Variants in RBM6 observed in about 807,000 individuals in gnomAD.
The protein encoded by RBM6 is RNA-binding protein 6.
Under a neutral mutation model 140.4 loss-of-function variants are expected in RBM6, and 23 were observed. The observed-to-expected ratio is 0.16, with a 90% CI of 0.12 to 0.23. RBM6 has a LOEUF of 0.23. Among genes scored for constraint, RBM6 ranks in the 10% least tolerant of loss-of-function variants. The probability of loss-of-function intolerance (pLI) is 1.00; values close to 1 mark genes in which losing one functional copy is unlikely to be tolerated. For missense variants in RBM6, 1,139 were observed against 1,386.7 expected, an observed-to-expected ratio of 0.82 and a Z score of 2.84; for synonymous variants, 439 against 475.6, an observed-to-expected ratio of 0.92 and a Z score of 1.00.
chr3:50,033,420 A>G (rs6446195), intron 6 of RBM6, among the ~76,000 whole-genome samples: 98,156 of 152,022 alleles, frequency 0.65, 32,339 homozygotes, highest in East Asian at 0.88. Context: ...AAACTACTAA[A>G]TTTATAATTA....
At chr3:49,958,451 C>G (rs1369934514) in intron 1 of RBM6, among the ~76,000 whole-genome samples, 1 of 152,144 alleles carries the variant, frequency 6.6e-6, no homozygotes, top group East Asian at 1.9e-4. Context: ...CGGTGGGCAC[C>G]TGTAGTCCCA....
At chr3:50,076,907 T>A in intron 20 of RBM6, 101 bp from the exon 21 acceptor site, 1 of 1,201,042 alleles carries the variant, frequency 8.3e-7, no homozygotes, top group Non-Finnish European at 1.1e-6. Flanking sequence ...AATTATCCTA[T>A]ATACTGCTTC....
At chr3:49,997,834 A>T (rs1391921736) in intron 5 of RBM6, among the ~76,000 whole-genome samples, 4 of 152,244 alleles carry the variant, frequency 2.6e-5, no homozygotes, top group African/African-American at 9.6e-5. Context: ...GAAAGGAATT[A>T]ACTAACAAAG....
At chr3:50,074,202 G>A (rs558946225) in intron 19 of RBM6, among the ~76,000 whole-genome samples, 1 of 152,246 alleles carries the variant, frequency 6.6e-6, no homozygotes, top group African/African-American at 2.4e-5. Context: ...CTCCTTGCTT[G>A]TGTCCTCCTT....
chr3:49,988,700 G>A (rs1436258576), intron 5 of RBM6, among the ~76,000 whole-genome samples: 2 of 152,130 alleles, frequency 1.3e-5, no homozygotes, highest in Non-Finnish European at 2.9e-5. Flanking sequence ...TGTGCATGGT[G>A]GCTAATGCCT....
chr3:49,976,049 T>C (rs1299981937), intron 5 of RBM6, among the ~76,000 whole-genome samples: 2 of 152,188 alleles, frequency 1.3e-5, no homozygotes, highest in African/African-American at 4.8e-5. Context: ...ACTCAAGGTT[T>C]TTGACCAATA....
intron 6 of RBM6, among the ~76,000 whole-genome samples, chr3:50,004,312 C>A (rs1196375013): frequency 3.4e-5 from 5 of 146,976 alleles, no homozygotes; most frequent in African/African-American, 1.3e-4. Flanking sequence ...CCCCTCCCCC[C>A]CCTCCCCTCT....
At chr3:49,993,063 G>A (rs140393390) in intron 5 of RBM6, among the ~76,000 whole-genome samples, 1 of 152,276 alleles carries the variant, frequency 6.6e-6, no homozygotes, top group African/African-American at 2.4e-5. Flanking sequence ...ATCTTGAGGT[G>A]ATCTATGACC....
At chr3:50,003,308 T>TAAAAAAA (rs61492386) in intron 6 of RBM6, among the ~76,000 whole-genome samples, 1 of 112,786 alleles carries the variant, frequency 8.9e-6, no homozygotes. Flanking sequence ...TGTCTAAATT[T>TAAAAAAA]AAAAAAAAAA....
At chr3:50,060,753 CAAAAAAAAA>C (rs35467618) in intron 11 of RBM6, 194 bp from the exon 12 acceptor site, 28 of 124,870 alleles carry the variant, frequency 2.2e-4, no homozygotes, top group South Asian at 4.3e-4. Context: ...GACTCCGTCT[CAAAAAAAAA>C]AAAAAAAAAA....
chr3:49,999,609 A>T, intron 6 of RBM6, 96 bp downstream of exon 6: 1 of 1,069,904 alleles, frequency 9.3e-7, no homozygotes, highest in Non-Finnish European at 1.5e-6. Context: ...GAAAGGTACA[A>T]GAAGTCTATC....
Position 49,967,229 on chromosome 3 carries a change from T to C in RBM6, c.45-241T>C. ...GTGAAAGCTTTTTCTGCAGCAGTCA[T>C]GTTGAAAACCTTGTGTTGACTTTCC... is the stretch of plus-strand genomic sequence containing the variant. On this transcript the variant is annotated intron_variant, in intron 2 of 20. Coordinates refer to ENST00000266022, the MANE Select transcript of RBM6 (RefSeq NM_005777.3). The surrounding 1 kb of genome is among the most constrained non-coding windows in gnomAD (Gnocchi z 4.0). 1 of 1,274,132 alleles carries C rather than the reference T, an allele frequency of 7.8e-7. No homozygotes were observed. Among genetic ancestry groups the C allele is most frequent in the Non-Finnish European group, 9.9e-7 (1 of 1,009,896 alleles). The allele number at this position is 1,274,132 out of a possible 1,614,324, so 78.9% of individuals were successfully genotyped here. A position where few individuals can be genotyped will look rare whatever the true frequency, so the allele number is the denominator to read the frequency against.
chr3:50,075,542 G>A (rs1452784841), intron 20 of RBM6, among the ~76,000 whole-genome samples: 2 of 152,170 alleles, frequency 1.3e-5, no homozygotes, highest in African/African-American at 4.8e-5. Context: ...GAAGGAAGGA[G>A]TTGGAATGGA....
chr3:50,040,493 T>TATATATATATAC (rs749096137), intron 6 of RBM6, among the ~76,000 whole-genome samples: 1 of 85,906 alleles, frequency 1.2e-5, no homozygotes, highest in South Asian at 3.2e-4. Flanking sequence ...TATATATATA[T>TATATATATATAC]ACACACACAC....
chr3:50,063,210 G>T (rs1038698515), intron 15 of RBM6, among the ~76,000 whole-genome samples: 1 of 151,970 alleles, frequency 6.6e-6, no homozygotes, highest in Non-Finnish European at 1.5e-5. Flanking sequence ...ATCTTATACT[G>T]TCATAATATA....
At chr3:50,012,355 A>T (rs1206485477) in intron 6 of RBM6, among the ~76,000 whole-genome samples, 6 of 147,506 alleles carry the variant, frequency 4.1e-5, no homozygotes, top group Non-Finnish European at 7.5e-5. Flanking sequence ...GTCCATTCCA[A>T]TTTTTTTTTT....
At chr3:50,030,342 T>G (rs916887695) in intron 6 of RBM6, among the ~76,000 whole-genome samples, 1 of 145,094 alleles carries the variant, frequency 6.9e-6, no homozygotes, top group African/African-American at 2.6e-5. Flanking sequence ...ATACAAAGCA[T>G]GTAGAAGAGG....
intron 6 of RBM6, among the ~76,000 whole-genome samples, chr3:50,023,792 G>A (rs1325797502): frequency 6.6e-6 from 1 of 151,472 alleles, no homozygotes; most frequent in Non-Finnish European, 1.5e-5. Context: ...GGGATTACAG[G>A]CACCCGCCAT....
intron 6 of RBM6, among the ~76,000 whole-genome samples, chr3:50,047,779 T>A (rs2108879010): frequency 6.6e-6 from 1 of 152,360 alleles, no homozygotes; most frequent in South Asian, 2.1e-4. Flanking sequence ...AAGAAAATTT[T>A]CAGGCACTAA....
Sources: allele counts gnomAD v4.1 joint callset (sites outside exome capture counted in the v4.1 genomes callset), GRCh38; gene constraint gnomAD v4.1.1; non-coding constraint Gnocchi (gnomAD v3.1); transcripts MANE v1.5; gene names NCBI Gene and HGNC (gene_info 2026-07-23, HGNC 2026-07-21).